Variants in GNA14 observed in about 807,000 individuals in gnomAD.
GNA14 encodes the protein G protein subunit alpha 14.
In GNA14, 50 loss-of-function variants were observed where a neutral mutation model predicts 42.0. The ratio of observed to expected loss-of-function variants is 1.19; its 90% confidence interval spans 0.95 to 1.51. The LOEUF (loss-of-function observed/expected upper bound fraction) is 1.51. Ranked by LOEUF, GNA14 falls within the 40% of genes most tolerant of loss-of-function variation. The pLI is 0.00. For synonymous variants in GNA14, 173 were observed against 163.1 expected, an observed-to-expected ratio of 1.06 and a Z score of -0.46; for missense variants, 473 against 446.2, an observed-to-expected ratio of 1.06 and a Z score of -0.54.
chr9:77,544,812 C>T (rs1193094953), intron 1 of GNA14, among the ~76,000 whole-genome samples: 1 of 152,030 alleles, frequency 6.6e-6, no homozygotes, highest in Admixed American at 6.6e-5. Flanking sequence ...CTCTAAAACT[C>T]ACTGCTGCTT....
chr9:77,458,036 GT>G (rs1429123034), intron 2 of GNA14, among the ~76,000 whole-genome samples: 1 of 152,026 alleles, frequency 6.6e-6, no homozygotes, highest in Non-Finnish European at 1.5e-5. Context: ...TGCATTTTTG[GT>G]TGTTTTCCTT....
intron 1 of GNA14, among the ~76,000 whole-genome samples, chr9:77,589,832 G>A (rs1050794120): frequency 6.6e-6 from 1 of 152,144 alleles, no homozygotes; most frequent in Non-Finnish European, 1.5e-5. Flanking sequence ...TATAAACTAC[G>A]TCTTTTATAA....
At chr9:77,549,836 CCCATGT>C (rs1837767800) in intron 1 of GNA14, among the ~76,000 whole-genome samples, 1 of 152,130 alleles carries the variant, frequency 6.6e-6, no homozygotes, top group African/African-American at 2.4e-5. Context: ...CTATTTGTAG[CCCATGT>C]CCTCTCCCCA....
At chr9:77,605,186 T>C (rs1015952794) in intron 1 of GNA14, among the ~76,000 whole-genome samples, 2 of 152,258 alleles carry the variant, frequency 1.3e-5, no homozygotes, top group African/African-American at 4.8e-5. Flanking sequence ...GAAGCAGTGC[T>C]TCTTTATTGT....
At chr9:77,441,230 G>A (rs1326784012) in intron 2 of GNA14, among the ~76,000 whole-genome samples, 2 of 152,178 alleles carry the variant, frequency 1.3e-5, no homozygotes, top group African/African-American at 4.8e-5. Context: ...GGTGGGAGGT[G>A]ATTGGATGAT....
chr9:77,618,618 A>ATTTTTT, intron 1 of GNA14, among the ~76,000 whole-genome samples: 1 of 7,006 alleles, frequency 1.4e-4, no homozygotes, highest in Non-Finnish European at 2.4e-4. Flanking sequence ...ATATATATAT[A>ATTTTTT]TATTTTTTTT....
intron 1 of GNA14, among the ~76,000 whole-genome samples, chr9:77,534,968 T>C (rs1449871773): frequency 6.6e-6 from 1 of 152,218 alleles, no homozygotes; most frequent in Non-Finnish European, 1.5e-5. Context: ...GGCGCTCTGA[T>C]GAAGACACTT....
At chr9:77,520,090 CTTAAAT>C (rs1837328582) in intron 2 of GNA14, among the ~76,000 whole-genome samples, 2 of 152,252 alleles carry the variant, frequency 1.3e-5, no homozygotes, top group East Asian at 1.9e-4. Context: ...ATTTTCACCC[CTTAAAT>C]TTATTTTTTT....
intron 2 of GNA14, among the ~76,000 whole-genome samples, chr9:77,503,611 C>G (rs2131744796): frequency 6.6e-6 from 1 of 151,882 alleles, no homozygotes; most frequent in Non-Finnish European, 1.5e-5. Flanking sequence ...GGAAATACAA[C>G]TAATACCTAA....
rs1212502497 is a variant in GNA14 at position 77,558,525 on chromosome 9, C to T, written c.125-29272G>A. On this transcript the variant is annotated intron_variant, in intron 1 of 6. Coordinates refer to ENST00000341700, the MANE Select transcript of GNA14 (RefSeq NM_004297.4). ...AGCTGCTCAGACACCCCATATGACA[C>T]AGCAAAGCCAGACTTCTAAAGGAGG... is the stretch of plus-strand genomic sequence containing the variant. Among the ~76,000 whole-genome samples the T allele has an allele frequency of 2.0e-5, 3 of 152,142 alleles. No individual in the cohort carries two copies. The South Asian group carries it at 6.2e-4, about 32-fold the overall frequency.
intron 1 of GNA14, chr9:77,580,745 G>C (rs1194419061): frequency 9.8e-6 from 2 of 203,152 alleles, no homozygotes; most frequent in African/African-American, 4.7e-5. Flanking sequence ...CGATGGGAGT[G>C]TGCACAGTGT....
intron 1 of GNA14, among the ~76,000 whole-genome samples, chr9:77,581,923 G>T (rs1772921): frequency 0.72 from 109,539 of 152,022 alleles, 40,010 homozygotes; most frequent in East Asian, 0.83. Context: ...CCTCAGAACC[G>T]TGACATCAAC....
At chr9:77,607,771 C>T (rs1047258353) in intron 1 of GNA14, among the ~76,000 whole-genome samples, 4 of 152,136 alleles carry the variant, frequency 2.6e-5, no homozygotes, top group Non-Finnish European at 4.4e-5. Flanking sequence ...TGATTCCTGG[C>T]TTGCAGGCAC....
intron 2 of GNA14, among the ~76,000 whole-genome samples, chr9:77,519,282 G>A (rs534131376): frequency 2.0e-5 from 3 of 151,992 alleles, no homozygotes; most frequent in Non-Finnish European, 4.4e-5. Context: ...GTGGTGGCGG[G>A]TGCCTGTATT....
chr9:77,558,929 C>A (rs9721637), intron 1 of GNA14, among the ~76,000 whole-genome samples: 24,715 of 144,702 alleles, frequency 0.17, 2,171 homozygotes, highest in African/African-American at 0.22. Context: ...AAACAAAAAA[C>A]AAAAAAAAAA....
intron 1 of GNA14, among the ~76,000 whole-genome samples, chr9:77,610,955 T>G (rs774284689): frequency 7.2e-5 from 11 of 152,190 alleles, no homozygotes; most frequent in Non-Finnish European, 1.5e-4. Context: ...AAAGATGATT[T>G]TGTCCTTGCC....
chr9:77,549,312 T>C (rs960878260), intron 1 of GNA14, among the ~76,000 whole-genome samples: 3 of 152,228 alleles, frequency 2.0e-5, no homozygotes, highest in Admixed American at 6.5e-5. Context: ...CCTTGTGGTC[T>C]GATACCAGAT....
intron 2 of GNA14, among the ~76,000 whole-genome samples, chr9:77,493,741 ATTTGT>A (rs1479999418): frequency 6.6e-6 from 1 of 151,994 alleles, no homozygotes; most frequent in Non-Finnish European, 1.5e-5. Context: ...TTGGGTTATT[ATTTGT>A]TTTAATTTTG....
chr9:77,472,641 C>T (rs976751597), intron 2 of GNA14, among the ~76,000 whole-genome samples: 2 of 151,946 alleles, frequency 1.3e-5, no homozygotes, highest in Admixed American at 6.6e-5. Context: ...ATTGTGTCAC[C>T]CTAAAATTAA....
Sources: allele counts gnomAD v4.1 joint callset (sites outside exome capture counted in the v4.1 genomes callset), GRCh38; gene constraint gnomAD v4.1.1; transcripts MANE v1.5; gene names NCBI Gene and HGNC (gene_info 2026-07-23, HGNC 2026-07-21).